Variants in KCNN2 observed in about 807,000 individuals in gnomAD.
KCNN2 encodes small conductance calcium-activated potassium channel protein 2.
In KCNN2, 24 loss-of-function variants were observed where a neutral mutation model predicts 55.5. The ratio of observed to expected loss-of-function variants is 0.43; its 90% CI spans 0.31 to 0.61. The LOEUF (loss-of-function observed/expected upper bound fraction) is 0.61, where lower values mean the gene tolerates loss of function less well. Ranked by LOEUF, KCNN2 falls within the 20% of genes least tolerant of loss-of-function variation. KCNN2 has a pLI of 0.08. For synonymous variants in KCNN2, 431 were observed against 336.1 expected, an observed-to-expected ratio of 1.28 and a Z score of -3.09; for missense variants, 754 against 853.6, an observed-to-expected ratio of 0.88 and a Z score of 1.45.
At chr5:114,143,525 C>T (rs564049053) in intron 1 of KCNN2, among the ~76,000 whole-genome samples, 1 of 152,234 alleles carries the variant, frequency 6.6e-6, no homozygotes, top group Non-Finnish European at 1.5e-5. Context: ...CCTGTCTTAT[C>T]CCTATGAACA....
chr5:114,276,536 AG>A (rs1168524068), intron 2 of KCNN2, among the ~76,000 whole-genome samples: 1 of 152,106 alleles, frequency 6.6e-6, no homozygotes, highest in Non-Finnish European at 1.5e-5. Context: ...ATATATATTT[AG>A]GATAGTTAGC....
chr5:114,264,902 T>G (rs1755179122), intron 2 of KCNN2, among the ~76,000 whole-genome samples: 1 of 152,230 alleles, frequency 6.6e-6, no homozygotes. Context: ...CTCAGGGATA[T>G]AAGCATAGAA....
intron 2 of KCNN2, among the ~76,000 whole-genome samples, chr5:114,317,037 T>A (rs1756514650): frequency 6.6e-6 from 1 of 152,212 alleles, no homozygotes; most frequent in Non-Finnish European, 1.5e-5. Context: ...CAGAGTGACA[T>A]CCTTGCAGCT....
intron 3 of KCNN2, among the ~76,000 whole-genome samples, chr5:114,415,772 T>C (rs1445258893): frequency 6.6e-6 from 1 of 152,242 alleles, no homozygotes; most frequent in Non-Finnish European, 1.5e-5. Context: ...TTGTATATTC[T>C]GGTTACTAGT....
At chr5:114,125,706 A>G (rs1751916865) in intron 1 of KCNN2, among the ~76,000 whole-genome samples, 1 of 152,166 alleles carries the variant, frequency 6.6e-6, no homozygotes, top group Non-Finnish European at 1.5e-5. Context: ...TCTGGAGGTT[A>G]GAAGTGTGAG....
At chr5:114,080,838 A>C (rs1750798017) in intron 1 of KCNN2, among the ~76,000 whole-genome samples, 1 of 152,182 alleles carries the variant, frequency 6.6e-6, no homozygotes, top group Non-Finnish European at 1.5e-5. Flanking sequence ...TGGAGCCATT[A>C]GGCAATAAGA....
intron 3 of KCNN2, among the ~76,000 whole-genome samples, chr5:114,460,291 G>C (rs1455603819): frequency 6.6e-6 from 1 of 152,138 alleles, no homozygotes; most frequent in Non-Finnish European, 1.5e-5. Context: ...CCAGGCTGGA[G>C]TGCAGTGGCA....
At chr5:114,372,001 C>A (rs1174667005) in intron 2 of KCNN2, among the ~76,000 whole-genome samples, 1 of 152,030 alleles carries the variant, frequency 6.6e-6, no homozygotes, top group Non-Finnish European at 1.5e-5. Flanking sequence ...GTTTACTAAC[C>A]CTTTTAAATA....
At chr5:114,484,580 C>T (rs1762368511) in intron 5 of KCNN2, among the ~76,000 whole-genome samples, 1 of 152,100 alleles carries the variant, frequency 6.6e-6, no homozygotes. Context: ...AATGAGGTGC[C>T]TTTGACCCTG....
chr5:114,221,390 C>G (rs1208546160), intron 1 of KCNN2, among the ~76,000 whole-genome samples: 1 of 152,110 alleles, frequency 6.6e-6, no homozygotes, highest in Non-Finnish European at 1.5e-5. Context: ...GGAAAAAACT[C>G]AACCTCAGAT....
chr5:114,083,404 A>T (rs1369675935), intron 1 of KCNN2, among the ~76,000 whole-genome samples: 1 of 152,040 alleles, frequency 6.6e-6, no homozygotes, highest in African/African-American at 2.4e-5. Context: ...TTTCCCCTCT[A>T]AATATGCGTT....
chr5:114,305,548 A>G (rs754008672), intron 2 of KCNN2, among the ~76,000 whole-genome samples: 7 of 152,192 alleles, frequency 4.6e-5, no homozygotes, highest in Non-Finnish European at 7.3e-5. Flanking sequence ...GAGGATCTGT[A>G]TATACATCCA....
chr5:114,158,765 A>G (rs1752697044), intron 1 of KCNN2, among the ~76,000 whole-genome samples: 2 of 151,764 alleles, frequency 1.3e-5, no homozygotes, highest in Admixed American at 6.6e-5. Context: ...CTTTGAAGCA[A>G]TTGTGAATGG....
At chr5:114,325,934 C>T (rs1368459298) in intron 2 of KCNN2, among the ~76,000 whole-genome samples, 1 of 152,194 alleles carries the variant, frequency 6.6e-6, no homozygotes, top group Admixed American at 6.5e-5. Flanking sequence ...TCTAATACTT[C>T]CAGTGGGGTC....
intron 2 of KCNN2, among the ~76,000 whole-genome samples, chr5:114,280,953 C>T (rs1755611136): frequency 6.6e-6 from 1 of 152,106 alleles, no homozygotes; most frequent in Admixed American, 6.6e-5. Context: ...TTTCCTTGAG[C>T]ACACTAACCC....
intron 2 of KCNN2, among the ~76,000 whole-genome samples, chr5:114,228,608 C>G (rs1430325673): frequency 6.6e-6 from 1 of 152,000 alleles, no homozygotes; most frequent in Non-Finnish European, 1.5e-5. Flanking sequence ...CCTGAAATTG[C>G]AGTTACACTA....
intron 3 of KCNN2, among the ~76,000 whole-genome samples, chr5:114,427,319 G>T (rs1345900139): frequency 6.6e-6 from 1 of 152,176 alleles, no homozygotes; most frequent in African/African-American, 2.4e-5. Flanking sequence ...GGAGTATTCA[G>T]ACTGCAGGGG....
At chr5:114,346,641 C>T (rs1026243742) in intron 2 of KCNN2, among the ~76,000 whole-genome samples, 2 of 151,578 alleles carry the variant, frequency 1.3e-5, no homozygotes, top group African/African-American at 4.9e-5. Context: ...AAATATAGTT[C>T]TGTGTGTATG....
At chr5:114,405,772 C>T (rs544024685) in intron 3 of KCNN2, among the ~76,000 whole-genome samples, 19 of 151,600 alleles carry the variant, frequency 1.3e-4, no homozygotes, top group Non-Finnish European at 2.8e-4. Flanking sequence ...ATGCAGTGGC[C>T]CGATCTCGGC....
Sources: gnomAD v4.1 joint callset for allele counts (sites outside exome capture counted in the v4.1 genomes callset) on GRCh38, gnomAD v4.1.1 for gene constraint, MANE v1.5 for transcripts, NCBI Gene and HGNC (gene_info 2026-07-23, HGNC 2026-07-21) for gene names.